GALNT17: variants seen among roughly 807,000 people sequenced by gnomAD.
GALNT17 encodes the protein polypeptide N-acetylgalactosaminyltransferase 17, also known as UDP-GalNAc:polypeptide N-acetylgalactosaminyltransferase-like 3.
A neutral mutation model predicts 63.7 loss-of-function variants in GALNT17; 29 were observed. The observed-to-expected ratio is 0.46, with a 90% CI of 0.34 to 0.62. The LOEUF is 0.62. Ranked by LOEUF, GALNT17 falls within the 20% of genes least tolerant of loss-of-function variation. The pLI, the probability that GALNT17 is intolerant of heterozygous loss-of-function variation, is 0.01. For synonymous variants in GALNT17, 305 were observed against 318.3 expected, an observed-to-expected ratio of 0.96 and a Z score of 0.45; for missense variants, 603 against 799.6, an observed-to-expected ratio of 0.75 and a Z score of 2.97.
intron 1 of GALNT17, among the ~76,000 whole-genome samples, chr7:71,270,597 A>G (rs1397311468): frequency 1.3e-5 from 2 of 151,780 alleles, no homozygotes; most frequent in African/African-American, 4.8e-5. Flanking sequence ...AGGTAAAGAG[A>G]ATAATATAAT....
intron 5 of GALNT17, among the ~76,000 whole-genome samples, chr7:71,473,449 G>A (rs570369813): frequency 6.6e-5 from 10 of 152,140 alleles, no homozygotes; most frequent in Non-Finnish European, 1.2e-4. Flanking sequence ...ATATTTTGGG[G>A]TAAAACATTT....
At chr7:71,435,996 G>A (rs1786954682) in intron 5 of GALNT17, among the ~76,000 whole-genome samples, 1 of 144,238 alleles carries the variant, frequency 6.9e-6, no homozygotes, top group African/African-American at 2.5e-5. Context: ...CTCCAGCCTG[G>A]GTTACAGAAC....
chr7:71,486,179 A>G (rs2116657614), intron 5 of GALNT17, among the ~76,000 whole-genome samples: 1 of 151,614 alleles, frequency 6.6e-6, no homozygotes, highest in East Asian at 2.0e-4. Context: ...AAATGCAAAA[A>G]TTTGCCGGGC....
intron 1 of GALNT17, among the ~76,000 whole-genome samples, chr7:71,245,765 G>A (rs1249452943): frequency 6.6e-6 from 1 of 151,890 alleles, no homozygotes; most frequent in African/African-American, 2.4e-5. Flanking sequence ...GAGGAGCACA[G>A]AGATCACTCA....
At chr7:71,493,499 G>A (rs1413122049) in intron 5 of GALNT17, among the ~76,000 whole-genome samples, 1 of 152,140 alleles carries the variant, frequency 6.6e-6, no homozygotes, top group African/African-American at 2.4e-5. Flanking sequence ...CAATCACGGT[G>A]GAAGGTGAAA....
intron 5 of GALNT17, among the ~76,000 whole-genome samples, chr7:71,556,124 A>G (rs578163388): frequency 6.6e-6 from 1 of 152,196 alleles, no homozygotes; most frequent in Non-Finnish European, 1.5e-5. Context: ...CTACTTTCTT[A>G]CAACTATTTT....
At chr7:71,550,334 A>G (rs986967604) in intron 5 of GALNT17, among the ~76,000 whole-genome samples, 2 of 152,034 alleles carry the variant, frequency 1.3e-5, no homozygotes, top group African/African-American at 2.4e-5. Flanking sequence ...GCATTATTAC[A>G]TGAGCTTTTT....
chr7:71,593,149 C>CAATAATAATAATAATAAT (rs59397445), intron 6 of GALNT17, among the ~76,000 whole-genome samples: 21 of 146,936 alleles, frequency 1.4e-4, no homozygotes, highest in African/African-American at 4.9e-4. Context: ...GACCTTGTTG[C>CAATAATAATAATAATAAT]AATAATAATA....
intron 2 of GALNT17, among the ~76,000 whole-genome samples, chr7:71,357,661 C>T (rs1792312100): frequency 6.6e-6 from 1 of 152,126 alleles, no homozygotes; most frequent in African/African-American, 2.4e-5. Flanking sequence ...AATTCTAGCA[C>T]TTTGGGAGGT....
At chr7:71,281,465 A>C (rs571562547) in intron 1 of GALNT17, among the ~76,000 whole-genome samples, 1 of 152,348 alleles carries the variant, frequency 6.6e-6, no homozygotes, top group South Asian at 2.1e-4. Context: ...GAGCCAGAGA[A>C]AGGAATTTCA....
At chr7:71,290,239 C>T (rs1198563650) in intron 1 of GALNT17, among the ~76,000 whole-genome samples, 4 of 152,182 alleles carry the variant, frequency 2.6e-5, no homozygotes, top group African/African-American at 9.7e-5. Context: ...TTTGCTAAAT[C>T]ATGGTGCCAA....
chr7:71,185,803 G>A (rs554860231), intron 1 of GALNT17, among the ~76,000 whole-genome samples: 9 of 152,264 alleles, frequency 5.9e-5, no homozygotes, highest in Middle Eastern at 3.4e-3. Context: ...CACTGCGCCC[G>A]GCCCCCATTC....
chr7:71,276,958 A>G (rs921674763), intron 1 of GALNT17, among the ~76,000 whole-genome samples: 1 of 152,178 alleles, frequency 6.6e-6, no homozygotes, highest in African/African-American at 2.4e-5. Flanking sequence ...AGATTGTGCC[A>G]CTGCACCCCA....
At chr7:71,224,611 G>A (rs192772713) in intron 1 of GALNT17, among the ~76,000 whole-genome samples, 20 of 152,236 alleles carry the variant, frequency 1.3e-4, no homozygotes, top group African/African-American at 4.8e-4. Flanking sequence ...AGCAAACCAC[G>A]AGAACACCTT....
intron 3 of GALNT17, among the ~76,000 whole-genome samples, chr7:71,401,369 T>G (rs1793237495): frequency 6.6e-6 from 1 of 152,200 alleles, no homozygotes; most frequent in African/African-American, 2.4e-5. Flanking sequence ...AGTGCTGGGA[T>G]TACAGGCGTG....
At chr7:71,138,557 A>G (rs1042412775) in intron 1 of GALNT17, among the ~76,000 whole-genome samples, 2 of 152,204 alleles carry the variant, frequency 1.3e-5, no homozygotes, top group Admixed American at 6.5e-5. Flanking sequence ...CTTTTTTTGT[A>G]TATAAAATTA....
At chr7:71,556,685 G>A (rs756323957) in intron 5 of GALNT17, among the ~76,000 whole-genome samples, 11 of 151,796 alleles carry the variant, frequency 7.2e-5, no homozygotes, top group Non-Finnish European at 1.3e-4. Flanking sequence ...TCAGCCTCCC[G>A]AGTATCTGGG....
intron 6 of GALNT17, among the ~76,000 whole-genome samples, chr7:71,627,545 A>G (rs1790391837): frequency 6.6e-6 from 1 of 152,218 alleles, no homozygotes. Context: ...CAGAGTAGTG[A>G]GAACAGTGGA....
chr7:71,339,830 A>G (rs1791977179), intron 2 of GALNT17, among the ~76,000 whole-genome samples: 1 of 152,196 alleles, frequency 6.6e-6, no homozygotes, highest in South Asian at 2.1e-4. Context: ...CGTGTGATGT[A>G]ACATGATGGC....
Sources: gnomAD v4.1 joint callset for allele counts (sites outside exome capture counted in the v4.1 genomes callset) on GRCh38, gnomAD v4.1.1 for gene constraint, MANE v1.5 for transcripts, NCBI Gene and HGNC (gene_info 2026-07-23, HGNC 2026-07-21) for gene names.